MATR3: variants seen among roughly 807,000 people sequenced by gnomAD.
The protein encoded by MATR3 is matrin-3.
In MATR3, 4 loss-of-function variants were observed where a neutral mutation model predicts 85.5. The ratio of observed to expected loss-of-function variants is 0.05; its 90% CI spans 0.02 to 0.11. MATR3 has a LOEUF of 0.11. Ranked by LOEUF, MATR3 falls within the 10% of genes least tolerant of loss-of-function variation. The probability of loss-of-function intolerance (pLI) is 1.00; values close to 1 mark genes in which losing one functional copy is unlikely to be tolerated. For synonymous variants in MATR3, 336 were observed against 343.1 expected, an observed-to-expected ratio of 0.98 and a Z score of 0.23; for missense variants, 685 against 1,016.1, an observed-to-expected ratio of 0.67 and a Z score of 4.43.
At chr5:139,324,681 G>T (rs910240078) in intron 12 of MATR3, among the ~76,000 whole-genome samples, 1 of 152,134 alleles carries the variant, frequency 6.6e-6, no homozygotes, top group African/African-American at 2.4e-5. Flanking sequence ...AAAGGATATT[G>T]CTCAACTTTT....
intron 9 of MATR3, among the ~76,000 whole-genome samples, chr5:139,320,446 A>C (rs901943104): frequency 5.9e-5 from 9 of 152,160 alleles, no homozygotes; most frequent in Non-Finnish European, 1.3e-4. Context: ...GTACAAAAAA[A>C]AATTTTTTTT....
Position 139,327,949 on chromosome 5 carries a change from C to T in MATR3, c.2494-1396C>T, listed in dbSNP as rs939405898. ...CAATCTCAGCTCACTGCAACCTCTG[C>T]GTCCCGGGTTCAAGCAATTCTCCTG... On this transcript the variant is annotated intron_variant, in intron 14 of 14. Transcript: ENST00000394805. 1.2e-4 allele frequency among the ~76,000 whole-genome samples: 18 copies of T among 152,050 alleles called. 1 individual carries two copies. Among genetic ancestry groups the T allele is most frequent in the African/African-American group, 2.9e-4 (12 of 41,498 alleles).
At chr5:139,318,225 C>T (rs1343544090) in intron 7 of MATR3, among the ~76,000 whole-genome samples, 1 of 151,908 alleles carries the variant, frequency 6.6e-6, no homozygotes, top group African/African-American at 2.4e-5. Context: ...CCTTCGCCTC[C>T]TGTGTTCAAG....
Position 139,329,450 on chromosome 5 carries a change from T to C in MATR3, c.*55T>C, listed in dbSNP as rs754494677. ...GAAAATAATGGTTCTTTGTTTTTAA[T>C]GTTAACCTTTTTTAAATACAATACT... On this transcript the variant is annotated 3_prime_UTR_variant, in exon 15 of 15. Transcript: ENST00000394805. 2.1e-6 allele frequency: 3 copies of C among 1,423,630 alleles called. No individual in the cohort carries two copies. In the South Asian group the frequency reaches 3.5e-5, roughly 16 times the overall value. 88.2% of individuals were successfully genotyped at this position (1,423,630 alleles called of 1,614,324 possible). A position where few individuals can be genotyped will look rare whatever the true frequency, so the allele number is the denominator to read the frequency against.
At chr5:139,289,872 G>A (rs548555991), upstream of MATR3, among the ~76,000 whole-genome samples, 47 of 152,120 alleles carry the variant, frequency 3.1e-4, no homozygotes, top group Middle Eastern at 6.8e-3. Context: ...TCTATTTCAC[G>A]CTTCAGTGGA....
At chr5:139,306,226 A>C in intron 1 of MATR3, among the ~76,000 whole-genome samples, 2 of 152,350 alleles carry the variant, frequency 1.3e-5, no homozygotes, top group East Asian at 1.9e-4. Flanking sequence ...GAGGTACAAC[A>C]ATAATGATTT....
chr5:139,278,768 G>C (rs1175944406), intron 2 of MATR3: 3 of 500,560 alleles, frequency 6.0e-6, no homozygotes, highest in Non-Finnish European at 8.1e-6. Context: ...TGAGAAAGCT[G>C]TTTCAGGAAT....
chr5:139,276,193 A>T (rs1322324361), intron 2 of MATR3: 1 of 456,718 alleles, frequency 2.2e-6, no homozygotes, highest in Non-Finnish European at 4.4e-6. Context: ...AGCTGTAGGC[A>T]GCTGCCTAGG....
At chr5:139,286,671 C>A (rs2151893177) in intron 3 of MATR3, among the ~76,000 whole-genome samples, 1 of 151,684 alleles carries the variant, frequency 6.6e-6, no homozygotes, top group Admixed American at 6.6e-5. Context: ...TTGGTGAAAT[C>A]CCATCTTTAC....
intron 1 of MATR3, among the ~76,000 whole-genome samples, chr5:139,300,636 A>T (rs978526871): frequency 9.2e-5 from 14 of 152,188 alleles, no homozygotes; most frequent in African/African-American, 3.4e-4. Context: ...GTCAGACACT[A>T]TTTTAAATGT....
Position 139,321,956 on chromosome 5 carries a change from A to G in MATR3, c.1661A>G (p.Lys554Arg), listed in dbSNP as rs773880646. 1 of 1,614,082 alleles carries G rather than the reference A, an allele frequency of 6.2e-7. No individual in the cohort carries two copies. The highest frequency in any genetic ancestry group is 8.5e-7 in the Non-Finnish European group (1 of 1,179,986). ...ATGGCAATGGTTGACCATTGTTTGA[A>G]AAAAGCCCTTTGGTTTCAGGGGAGA... is the stretch of plus-strand genomic sequence containing the variant. ...DAMAMVDHCL[K>R]KALWFQGRCV... The change falls in exon 10 of 15, where the codon AAA (lysine) becomes AGA (arginine). Residue 554 changes from lysine (K) to arginine (R), a missense_variant. This residue lies in a region of MATR3 where 50 missense variants were observed against 133.4 expected (regional missense o/e 0.37). Coordinates refer to ENST00000394805, the MANE Select transcript of MATR3 (RefSeq NM_018834.6).
chr5:139,302,836 T>C (rs1754519155), intron 1 of MATR3, among the ~76,000 whole-genome samples: 2 of 152,238 alleles, frequency 1.3e-5, no homozygotes, highest in Non-Finnish European at 2.9e-5. Context: ...TGATTGGCCT[T>C]GATAGAACAT....
intron 1 of MATR3, among the ~76,000 whole-genome samples, chr5:139,305,796 A>G (rs953891077): frequency 6.6e-6 from 1 of 152,124 alleles, no homozygotes; most frequent in African/African-American, 2.4e-5. Flanking sequence ...GCCACCTCTT[A>G]TAGCATTTCT....
At chr5:139,296,587 C>G (rs1754166793) in intron 1 of MATR3, among the ~76,000 whole-genome samples, 1 of 152,174 alleles carries the variant, frequency 6.6e-6, no homozygotes, top group Non-Finnish European at 1.5e-5. Context: ...CATAGACAAA[C>G]TAGCTGCTTC....
intron 3 of MATR3, 190 bp from the exon 4 acceptor site, chr5:139,315,507 C>T (rs572666133): frequency 1.1e-4 from 58 of 542,868 alleles, no homozygotes; most frequent in Non-Finnish European, 1.4e-4. Flanking sequence ...AGTTTATTCT[C>T]GTGGATTATT....
chr5:139,330,919 T>C lies in MATR3; in HGVS notation c.*1524T>C, dbSNP rs767466630. The C allele has an allele frequency of 9.5e-5, 43 of 453,876 alleles. No homozygotes were observed. The highest frequency in any genetic ancestry group is 1.6e-4 in the Non-Finnish European group (37 of 226,786). The allele number at this position is 453,876 out of a possible 1,614,324, so 28.1% of individuals were successfully genotyped here. Reference sequence around the variant, plus strand: ...GACCCTCCTACCTCAGTCTCCTGAGTAGCTGGGACTACAGGCTCATGCCAC... The same window carrying C: ...GACCCTCCTACCTCAGTCTCCTGAGCAGCTGGGACTACAGGCTCATGCCAC... On this transcript the variant is annotated 3_prime_UTR_variant, in exon 15 of 15. Coordinates refer to ENST00000394805, the MANE Select transcript of MATR3 (RefSeq NM_018834.6).
intron 2 of MATR3, chr5:139,278,900 A>G: frequency 3.9e-6 from 2 of 517,424 alleles, no homozygotes; most frequent in Non-Finnish European, 7.7e-6. Flanking sequence ...GTTGTAGCTG[A>G]GTACCTTTGG....
At chr5:139,301,461 A>G (rs991604462) in intron 1 of MATR3, among the ~76,000 whole-genome samples, 2 of 152,138 alleles carry the variant, frequency 1.3e-5, no homozygotes, top group African/African-American at 4.8e-5. Flanking sequence ...CTGGGACTAC[A>G]GGCGTGTGCC....
intron 2 of MATR3, among the ~76,000 whole-genome samples, chr5:139,276,980 C>T (rs1457342297): frequency 2.6e-5 from 4 of 152,110 alleles, no homozygotes. Flanking sequence ...TTTGGGCTGA[C>T]AGTATATTTG....
Sources: allele counts gnomAD v4.1 joint callset (sites outside exome capture counted in the v4.1 genomes callset), GRCh38; gene constraint gnomAD v4.1.1; regional missense constraint gnomAD v4.1.1; transcripts MANE v1.5; gene names NCBI Gene and HGNC (gene_info 2026-07-23, HGNC 2026-07-21).